AGTPBP1: variants seen among roughly 807,000 people sequenced by gnomAD.
AGTPBP1 encodes the protein ATP/GTP binding carboxypeptidase 1.
A neutral mutation model predicts 143.9 loss-of-function variants in AGTPBP1; 70 were observed. The ratio of observed to expected loss-of-function variants is 0.49; its 90% CI spans 0.40 to 0.59. The LOEUF (loss-of-function observed/expected upper bound fraction) is 0.59, where lower values mean the gene tolerates loss of function less well. Among genes scored for constraint, AGTPBP1 ranks in the 20% least tolerant of loss-of-function variants. The pLI, the probability that AGTPBP1 is intolerant of heterozygous loss-of-function variation, is 0.00. For missense variants in AGTPBP1, 1,229 were observed against 1,464.5 expected, an observed-to-expected ratio of 0.84 and a Z score of 2.62; for synonymous variants, 463 against 500.2, an observed-to-expected ratio of 0.93 and a Z score of 0.99.
At chr9:85,782,810 C>A in the AGTPBP1 span, among the ~76,000 whole-genome samples, 3 of 152,190 alleles carry the variant, frequency 2.0e-5, no homozygotes, top group African/African-American at 7.2e-5. Flanking sequence ...TTTTCTGATT[C>A]TCAGTTTAGT....
At chr9:85,606,642 T>C (rs62566920) in intron 17 of AGTPBP1, among the ~76,000 whole-genome samples, 2,514 of 152,092 alleles carry the variant, frequency 0.017, 29 homozygotes, top group Middle Eastern at 0.054. Flanking sequence ...ATAGCAAAGA[T>C]ATGAATCAAC....
intron 14 of AGTPBP1, among the ~76,000 whole-genome samples, chr9:85,628,464 C>T (rs561652935): frequency 6.6e-6 from 1 of 152,216 alleles, no homozygotes; most frequent in South Asian, 2.1e-4. Flanking sequence ...TGATGAGAGA[C>T]TAGCAAAGGT....
At chr9:85,772,712 C>G in the AGTPBP1 span, among the ~76,000 whole-genome samples, 1 of 151,942 alleles carries the variant, frequency 6.6e-6, no homozygotes, top group African/African-American at 2.4e-5. Flanking sequence ...ATGATTGCAC[C>G]ACTGCACTCC....
the AGTPBP1 span, among the ~76,000 whole-genome samples, chr9:85,761,781 A>T: frequency 6.6e-6 from 1 of 152,220 alleles, no homozygotes; most frequent in Non-Finnish European, 1.5e-5. Flanking sequence ...AATGGGATCT[A>T]ATTAAACTAA....
intron 17 of AGTPBP1, among the ~76,000 whole-genome samples, chr9:85,610,989 G>C (rs897077871): frequency 2.6e-5 from 4 of 151,902 alleles, no homozygotes; most frequent in South Asian, 2.1e-4. Flanking sequence ...TAACTTCCTA[G>C]TTAAATACTT....
At chr9:85,552,425 G>T (rs1826087691) in intron 25 of AGTPBP1, among the ~76,000 whole-genome samples, 1 of 152,104 alleles carries the variant, frequency 6.6e-6, no homozygotes. Context: ...GAGCTGATTT[G>T]CCATCCAAGA....
intron 14 of AGTPBP1, 114 bp from the exon 15 acceptor site, chr9:85,621,399 G>T (rs1830927208): frequency 2.4e-6 from 1 of 415,406 alleles, no homozygotes; most frequent in Non-Finnish European, 4.1e-6. Context: ...AAATAAAAAT[G>T]ATTATTCCTC....
At chr9:85,623,078 CAG>C (rs1831044975) in intron 14 of AGTPBP1, among the ~76,000 whole-genome samples, 1 of 152,050 alleles carries the variant, frequency 6.6e-6, no homozygotes, top group African/African-American at 2.4e-5. Flanking sequence ...TCGGGCCCGA[CAG>C]GGGCCAGCAG....
At chr9:85,607,070 T>C (rs1830034275) in intron 17 of AGTPBP1, among the ~76,000 whole-genome samples, 1 of 152,010 alleles carries the variant, frequency 6.6e-6, no homozygotes, top group Non-Finnish European at 1.5e-5. Context: ...ATTCCTAACA[T>C]ACAGAAATGA....
intron 25 of AGTPBP1, among the ~76,000 whole-genome samples, chr9:85,558,074 C>T (rs559881723): frequency 1.3e-5 from 2 of 152,232 alleles, no homozygotes; most frequent in East Asian, 3.9e-4. Context: ...ATTTTAAAGG[C>T]TTTCTTTGGC....
At chr9:85,772,407 C>G in the AGTPBP1 span, among the ~76,000 whole-genome samples, 2 of 152,124 alleles carry the variant, frequency 1.3e-5, no homozygotes, top group African/African-American at 4.8e-5. Context: ...TAGACATTGT[C>G]TGAAGTATTT....
intron 2 of AGTPBP1, among the ~76,000 whole-genome samples, chr9:85,705,759 C>T (rs180932628): frequency 2.0e-5 from 3 of 152,096 alleles, no homozygotes; most frequent in East Asian, 3.9e-4. Flanking sequence ...GGCATGATCT[C>T]GGCTCACTGC....
At chr9:85,737,608 G>C (rs1380134462) in intron 1 of AGTPBP1, among the ~76,000 whole-genome samples, 1 of 152,184 alleles carries the variant, frequency 6.6e-6, no homozygotes, top group Non-Finnish European at 1.5e-5. Context: ...CATGATGAAA[G>C]ATGTCAACAT....
chr9:85,577,596 C>T (rs1054902124), intron 24 of AGTPBP1, among the ~76,000 whole-genome samples: 1 of 152,188 alleles, frequency 6.6e-6, no homozygotes, highest in African/African-American at 2.4e-5. Context: ...TCTCATATTA[C>T]ACTTTGGAAG....
chr9:85,796,434 T>C, the AGTPBP1 span, among the ~76,000 whole-genome samples: 2 of 152,212 alleles, frequency 1.3e-5, no homozygotes, highest in Non-Finnish European at 2.9e-5. Flanking sequence ...TGCTTCTCTC[T>C]GACCTCTCAA....
intron 11 of AGTPBP1, among the ~76,000 whole-genome samples, chr9:85,647,009 G>A (rs1832854582): frequency 6.6e-6 from 1 of 152,186 alleles, no homozygotes; most frequent in Non-Finnish European, 1.5e-5. Context: ...CAGGCGCAGT[G>A]GCTCACGCCT....
At chr9:85,722,870 C>CT (rs905968029) in intron 1 of AGTPBP1, among the ~76,000 whole-genome samples, 5 of 151,352 alleles carry the variant, frequency 3.3e-5, no homozygotes, top group Admixed American at 2.0e-4. Context: ...GGTGGATGTG[C>CT]TTTTTTTTTG....
chr9:85,664,910 T>G (rs535518740), intron 8 of AGTPBP1, among the ~76,000 whole-genome samples: 1 of 152,298 alleles, frequency 6.6e-6, no homozygotes, highest in Non-Finnish European at 1.5e-5. Context: ...GAGACTACCA[T>G]GATCCATCAA....
the AGTPBP1 span, among the ~76,000 whole-genome samples, chr9:85,758,389 A>G: frequency 6.6e-6 from 1 of 152,192 alleles, no homozygotes; most frequent in Non-Finnish European, 1.5e-5. Flanking sequence ...TCACACCTGT[A>G]ATCCCAGCAC....
Sources: allele counts gnomAD v4.1 joint callset (sites outside exome capture counted in the v4.1 genomes callset), GRCh38; gene constraint gnomAD v4.1.1; transcripts MANE v1.5; gene names NCBI Gene and HGNC (gene_info 2026-07-23, HGNC 2026-07-21).